Variants in CORO2B observed in about 807,000 individuals in gnomAD.
CORO2B encodes the protein coronin 2B.
In CORO2B, 26 loss-of-function variants were observed where a neutral mutation model predicts 58.8. That is an observed-to-expected ratio of 0.44 (90% CI 0.32 to 0.61). CORO2B has a LOEUF of 0.61. CORO2B is among the 20% of genes least tolerant of loss of function. The pLI is 0.04. For synonymous variants in CORO2B, 242 were observed against 253.8 expected, an observed-to-expected ratio of 0.95 and a Z score of 0.44; for missense variants, 460 against 645.1, an observed-to-expected ratio of 0.71 and a Z score of 3.11.
chr15:68,535,622 T>TGA, the CORO2B span, among the ~76,000 whole-genome samples: 363 of 151,922 alleles, frequency 2.4e-3, 2 homozygotes, highest in African/African-American at 8.3e-3. Flanking sequence ...TTGGGGTTCC[T>TGA]GAGAGAGAGA....
At chr15:68,601,495 G>A (rs1357393836) in intron 1 of CORO2B, among the ~76,000 whole-genome samples, 2 of 152,210 alleles carry the variant, frequency 1.3e-5, no homozygotes, top group Non-Finnish European at 2.9e-5. Flanking sequence ...TGGGGATTGC[G>A]GCCATGAGCG....
chr15:68,549,246 G>T, the CORO2B span, among the ~76,000 whole-genome samples: 2 of 152,192 alleles, frequency 1.3e-5, no homozygotes, highest in South Asian at 4.1e-4. Flanking sequence ...CAGTAAAACT[G>T]CAGCTCACAG....
At chr15:68,518,399 T>C in the CORO2B span, among the ~76,000 whole-genome samples, 2 of 151,964 alleles carry the variant, frequency 1.3e-5, no homozygotes, top group African/African-American at 2.4e-5. Flanking sequence ...CTTTCCTGCT[T>C]CCCTCTCCTT....
At chr15:68,618,027 G>A (rs140516326) in intron 1 of CORO2B, among the ~76,000 whole-genome samples, 391 of 152,294 alleles carry the variant, frequency 2.6e-3, no homozygotes, top group African/African-American at 9.0e-3. Flanking sequence ...AACAGAGTCA[G>A]TACCTGCCCT....
At chr15:68,724,659 T>C (rs1355573897) in intron 11 of CORO2B, among the ~76,000 whole-genome samples, 5 of 152,194 alleles carry the variant, frequency 3.3e-5, no homozygotes, top group Non-Finnish European at 7.3e-5. Context: ...ATTAAGTTTT[T>C]ATAGAAACAA....
At chr15:68,631,058 G>A (rs1231299860) in intron 1 of CORO2B, among the ~76,000 whole-genome samples, 1 of 152,148 alleles carries the variant, frequency 6.6e-6, no homozygotes, top group Non-Finnish European at 1.5e-5. Context: ...TGGTGGTGCA[G>A]GGCGGTTGGG....
At chr15:68,592,914 G>A (rs1260049295) in intron 1 of CORO2B, among the ~76,000 whole-genome samples, 1 of 152,174 alleles carries the variant, frequency 6.6e-6, no homozygotes, top group South Asian at 2.1e-4. Flanking sequence ...TCCATTTTCT[G>A]CTTCTGTAAC....
the CORO2B span, among the ~76,000 whole-genome samples, chr15:68,528,592 T>C: frequency 6.6e-6 from 1 of 152,246 alleles, no homozygotes; most frequent in Middle Eastern, 3.4e-3. Context: ...ATAGTTTTCT[T>C]CCCTTTTTTG....
intron 2 of CORO2B, among the ~76,000 whole-genome samples, chr15:68,668,267 GC>G (rs1902261781): frequency 6.8e-6 from 1 of 146,638 alleles, no homozygotes; most frequent in Non-Finnish European, 1.5e-5. Flanking sequence ...TGCAGGCATG[GC>G]CCAGGGCTGG....
the CORO2B span, among the ~76,000 whole-genome samples, chr15:68,547,147 G>A: frequency 6.6e-6 from 1 of 152,146 alleles, no homozygotes; most frequent in Non-Finnish European, 1.5e-5. Context: ...ATTGCTAGAG[G>A]TTTTCAGGCC....
At chr15:68,579,372 G>C (rs1899361505) in intron 1 of CORO2B, 95 bp downstream of exon 1, 3 of 1,144,620 alleles carry the variant, frequency 2.6e-6, no homozygotes, top group African/African-American at 3.3e-5. Context: ...TGTGGGGAGG[G>C]GGCGCCGGTG....
intron 2 of CORO2B, among the ~76,000 whole-genome samples, chr15:68,693,889 G>A (rs143964185): frequency 6.6e-6 from 1 of 152,188 alleles, no homozygotes; most frequent in Non-Finnish European, 1.5e-5. Flanking sequence ...AGTCTGGAGT[G>A]CAGCGGCACA....
the CORO2B span, among the ~76,000 whole-genome samples, chr15:68,520,365 A>G: frequency 3.3e-5 from 5 of 152,228 alleles, no homozygotes; most frequent in Non-Finnish European, 1.5e-5. Context: ...TGAAAGAGGT[A>G]TATTATAGTC....
intron 1 of CORO2B, among the ~76,000 whole-genome samples, chr15:68,626,773 G>A (rs1900693258): frequency 6.6e-6 from 1 of 152,230 alleles, no homozygotes; most frequent in African/African-American, 2.4e-5. Context: ...GTCTCCACAG[G>A]TGAAGTTAAG....
the CORO2B span, among the ~76,000 whole-genome samples, chr15:68,544,524 C>A: frequency 6.6e-6 from 1 of 152,198 alleles, no homozygotes; most frequent in East Asian, 1.9e-4. Flanking sequence ...CAGAGGATGG[C>A]CCCCTGCACC....
chr15:68,640,983 CGTGGAGTGGAGCTCCACGCCCAGGGTT>C (rs1361765601), intron 1 of CORO2B, among the ~76,000 whole-genome samples: 1 of 152,108 alleles, frequency 6.6e-6, no homozygotes, highest in Non-Finnish European at 1.5e-5. Context: ...CATAGGTTCA[CGTGGAGTGGAGCTCCACGCCCAGGGTT>C]GTGGAGCCAT....
chr15:68,719,046 G>A lies in CORO2B; in HGVS notation c.1081-98G>A. ...CAAAGGCATAGAGGCAGGAGAGCAGGTAGAGTGACTGGAGATCAGTAAGAA... is the reference window on the plus strand; with the variant it reads ...CAAAGGCATAGAGGCAGGAGAGCAGATAGAGTGACTGGAGATCAGTAAGAA... On this transcript the variant is annotated intron_variant, in intron 9 of 11. Transcript: ENST00000261861. The A allele has an allele frequency of 4.9e-6, 5 of 1,012,848 alleles. No homozygotes were observed. The Admixed American group carries it at 6.8e-5, about 14-fold the overall frequency. 62.7% of individuals were successfully genotyped at this position (1,012,848 alleles called of 1,614,324 possible).
At chr15:68,567,171 AC>A in the CORO2B span, among the ~76,000 whole-genome samples, 1 of 151,446 alleles carries the variant, frequency 6.6e-6, no homozygotes, top group Admixed American at 6.6e-5. Context: ...ATCACCTCCA[AC>A]CCCCCTTCGG....
the CORO2B span, among the ~76,000 whole-genome samples, chr15:68,562,925 C>A: frequency 6.8e-6 from 1 of 147,720 alleles, no homozygotes; most frequent in Non-Finnish European, 1.5e-5. Flanking sequence ...TGCAGTGAGC[C>A]GAGATCATGC....
Sources: allele counts gnomAD v4.1 joint callset (sites outside exome capture counted in the v4.1 genomes callset), GRCh38; gene constraint gnomAD v4.1.1; transcripts MANE v1.5; gene names NCBI Gene and HGNC (gene_info 2026-07-23, HGNC 2026-07-21).